LRRC8D: variants seen among roughly 807,000 people sequenced by gnomAD.
LRRC8D encodes the protein leucine rich repeat containing 8 VRAC subunit D.
LRRC8D carries 20 observed loss-of-function variants against 55.8 expected under a neutral mutation model. That is an observed-to-expected ratio of 0.36 (90% confidence interval 0.25 to 0.52). The LOEUF is 0.52. Among genes scored for constraint, LRRC8D ranks in the 20% least tolerant of loss-of-function variants. The probability of loss-of-function intolerance (pLI) is 0.93; values close to 1 mark genes in which losing one functional copy is unlikely to be tolerated. For synonymous variants in LRRC8D, 352 were observed against 377.0 expected, an observed-to-expected ratio of 0.93 and a Z score of 0.77; for missense variants, 651 against 1,030.8, an observed-to-expected ratio of 0.63 and a Z score of 5.05.
At chr1:89,891,167 A>G (rs1662570321) in intron 2 of LRRC8D, among the ~76,000 whole-genome samples, 1 of 152,232 alleles carries the variant, frequency 6.6e-6, no homozygotes, top group Non-Finnish European at 1.5e-5. Context: ...GGCGTGAGCC[A>G]CCGCGCCTGG....
chr1:89,823,495 T>A (rs1202649510), intron 1 of LRRC8D, among the ~76,000 whole-genome samples: 2 of 152,250 alleles, frequency 1.3e-5, no homozygotes, highest in African/African-American at 4.8e-5. Flanking sequence ...GAAATTAGAC[T>A]CGATTCTGTT....
chr1:89,927,574 G>C (rs1362055326), intron 2 of LRRC8D, among the ~76,000 whole-genome samples: 1 of 152,158 alleles, frequency 6.6e-6, no homozygotes, highest in South Asian at 2.1e-4. Context: ...TGGAATTGCA[G>C]GGTCATAAAG....
chr1:89,912,974 G>C (rs547265615), intron 2 of LRRC8D, among the ~76,000 whole-genome samples: 3 of 152,190 alleles, frequency 2.0e-5, no homozygotes, highest in Non-Finnish European at 2.9e-5. Context: ...TAAGATAGAT[G>C]TTTATTTCCT....
At chr1:89,831,881 AT>A (rs967889351) in intron 1 of LRRC8D, among the ~76,000 whole-genome samples, 39 of 152,242 alleles carry the variant, frequency 2.6e-4, no homozygotes, top group African/African-American at 8.9e-4. Context: ...ACAAAGCATC[AT>A]TTTTTTCCCC....
intron 2 of LRRC8D, among the ~76,000 whole-genome samples, chr1:89,854,757 G>A (rs528675452): frequency 6.6e-6 from 1 of 152,316 alleles, no homozygotes; most frequent in Admixed American, 6.5e-5. Context: ...TGATGGCAGC[G>A]CTAATCCCAG....
chr1:89,888,384 G>A (rs1393611216), intron 2 of LRRC8D, among the ~76,000 whole-genome samples: 1 of 152,202 alleles, frequency 6.6e-6, no homozygotes, highest in Non-Finnish European at 1.5e-5. Context: ...AGATAAGCAA[G>A]GAGGGAAATG....
chr1:89,845,983 G>A (rs1472896739), intron 2 of LRRC8D, among the ~76,000 whole-genome samples: 1 of 152,052 alleles, frequency 6.6e-6, no homozygotes, highest in African/African-American at 2.4e-5. Context: ...GTTTATCCAT[G>A]TTGGTCAGAC....
chr1:89,842,267 G>C (rs191293080), intron 1 of LRRC8D, among the ~76,000 whole-genome samples: 24 of 151,770 alleles, frequency 1.6e-4, no homozygotes, highest in African/African-American at 5.6e-4. Flanking sequence ...CGCAGTGTAG[G>C]GGAAATGGTA....
chr1:89,901,198 G>T (rs1026168697), intron 2 of LRRC8D, among the ~76,000 whole-genome samples: 4 of 152,190 alleles, frequency 2.6e-5, no homozygotes, highest in Non-Finnish European at 5.9e-5. Flanking sequence ...TTTCACGGCT[G>T]CTTGAGTTCT....
At chr1:89,827,872 T>C (rs372981639) in intron 1 of LRRC8D, among the ~76,000 whole-genome samples, 4 of 152,346 alleles carry the variant, frequency 2.6e-5, no homozygotes, top group Middle Eastern at 6.8e-3. Flanking sequence ...TTACAAGATA[T>C]AAATTCAGGA....
intron 2 of LRRC8D, among the ~76,000 whole-genome samples, chr1:89,909,594 C>T (rs1663079340): frequency 2.0e-5 from 3 of 152,096 alleles, no homozygotes; most frequent in African/African-American, 7.2e-5. Flanking sequence ...GGGCCAGGCA[C>T]GGTGGCTCAC....
chr1:89,918,433 A>G (rs1193859213), intron 2 of LRRC8D, among the ~76,000 whole-genome samples: 1 of 152,236 alleles, frequency 6.6e-6, no homozygotes, highest in Non-Finnish European at 1.5e-5. Context: ...GGTCCATGCA[A>G]TGCAGAAGGG....
intron 2 of LRRC8D, among the ~76,000 whole-genome samples, chr1:89,927,979 T>C (rs1663610739): frequency 6.6e-6 from 1 of 152,100 alleles, no homozygotes; most frequent in Admixed American, 6.6e-5. Context: ...AGGGTGAGAG[T>C]AGGGCATGGT....
At chr1:89,840,557 C>T (rs768100279) in intron 1 of LRRC8D, among the ~76,000 whole-genome samples, 20 of 152,160 alleles carry the variant, frequency 1.3e-4, no homozygotes, top group Non-Finnish European at 2.6e-4. Context: ...TGGGTGTGGA[C>T]ATAGCAGCAT....
chr1:89,872,854 G>T (rs1662055690), intron 2 of LRRC8D, among the ~76,000 whole-genome samples: 1 of 152,166 alleles, frequency 6.6e-6, no homozygotes, highest in Non-Finnish European at 1.5e-5. Context: ...AAGCTTTCAT[G>T]AATGCTTTTA....
rs1247687546 is a variant in LRRC8D, at chr1:89,911,042, T to A, written c.-2-22025T>A. The stretch of plus-strand genomic sequence containing the variant: ...TAAATATTTCTTTTCCCACCTTCTT[T>A]TCAGTGTAATCTGACCTGAGTTCTC... On this transcript the variant is annotated intron_variant, in intron 2 of 2. Transcript: ENST00000337338. The surrounding 1 kb of genome is among the most constrained non-coding windows in gnomAD (Gnocchi z 4.0). Among the ~76,000 whole-genome samples the A allele has an allele frequency of 6.6e-6, 1 of 152,206 alleles. No homozygotes were observed. The highest frequency in any genetic ancestry group is 2.4e-5 in the African/African-American group (1 of 41,448).
chr1:89,877,140 T>C (rs1662167850), intron 2 of LRRC8D, among the ~76,000 whole-genome samples: 1 of 152,234 alleles, frequency 6.6e-6, no homozygotes, highest in African/African-American at 2.4e-5. Flanking sequence ...GGGTCTGCTT[T>C]AGGCCTCTGG....
chr1:89,888,347 G>A (rs1662476033), intron 2 of LRRC8D, among the ~76,000 whole-genome samples: 1 of 152,172 alleles, frequency 6.6e-6, no homozygotes, highest in Non-Finnish European at 1.5e-5. Context: ...GAGGGCCTTG[G>A]TTTCTCACTT....
intron 2 of LRRC8D, among the ~76,000 whole-genome samples, chr1:89,866,824 G>A (rs1005552191): frequency 2.0e-5 from 3 of 152,168 alleles, no homozygotes; most frequent in African/African-American, 7.2e-5. Flanking sequence ...AATAGAGAGA[G>A]CAGGGCAGCA....
Sources: allele counts gnomAD v4.1 joint callset (sites outside exome capture counted in the v4.1 genomes callset), GRCh38; gene constraint gnomAD v4.1.1; non-coding constraint Gnocchi (gnomAD v3.1); transcripts MANE v1.5; gene names NCBI Gene and HGNC (gene_info 2026-07-23, HGNC 2026-07-21).